The following DSCAM variants were observed in gnomAD, a reference collection of about 807,000 sequenced individuals.
The protein encoded by DSCAM is DS cell adhesion molecule.
Under a neutral mutation model 217.7 loss-of-function variants are expected in DSCAM, and 47 were observed. That is an observed-to-expected ratio of 0.22 (90% CI 0.17 to 0.28). DSCAM has a LOEUF of 0.28. Among genes scored for constraint, DSCAM ranks in the 10% least tolerant of loss-of-function variants. The pLI is 1.00. For missense variants in DSCAM, 2,080 were observed against 2,618.3 expected, an observed-to-expected ratio of 0.79 and a Z score of 4.49; for synonymous variants, 1,056 against 1,015.3, an observed-to-expected ratio of 1.04 and a Z score of -0.76.
chr21:40,336,744 T>G (rs2074433391), intron 8 of DSCAM, among the ~76,000 whole-genome samples: 1 of 152,220 alleles, frequency 6.6e-6, no homozygotes. Context: ...TTTATTCACT[T>G]GTTTTATTTG....
intron 11 of DSCAM, among the ~76,000 whole-genome samples, chr21:40,231,767 T>A (rs927401305): frequency 6.6e-6 from 1 of 152,158 alleles, no homozygotes; most frequent in Non-Finnish European, 1.5e-5. Context: ...CCTCCCAAAG[T>A]GCTGGGATTA....
At chr21:40,464,560 C>A (rs1020480486) in intron 3 of DSCAM, among the ~76,000 whole-genome samples, 1 of 152,172 alleles carries the variant, frequency 6.6e-6, no homozygotes, top group East Asian at 1.9e-4. Flanking sequence ...GGAGTCATTG[C>A]GACTCTTCAG....
At chr21:40,218,583 A>G (rs2091263891) in intron 11 of DSCAM, among the ~76,000 whole-genome samples, 1 of 151,938 alleles carries the variant, frequency 6.6e-6, no homozygotes, top group Non-Finnish European at 1.5e-5. Flanking sequence ...TGATTTTGGC[A>G]GTACCATTTT....
At chr21:40,181,021 T>G (rs1270871350) in intron 14 of DSCAM, among the ~76,000 whole-genome samples, 2 of 152,088 alleles carry the variant, frequency 1.3e-5, no homozygotes, top group African/African-American at 4.8e-5. Flanking sequence ...ACCCTGTCTG[T>G]AGCAACTACC....
rs2090303211 is a variant in DSCAM, at chr21:40,142,452, G to C, written c.3406+106C>G. 6.4e-6 allele frequency: 8 copies of C among 1,252,376 alleles called. No homozygotes were observed. The East Asian group carries it at 1.9e-4, about 29-fold the overall frequency. 77.6% of individuals were successfully genotyped at this position (1,252,376 alleles called of 1,614,324 possible). Reference sequence around the variant, plus strand: ...AGGGGAAAGTGTCTATTGATAAAGAGGTGCCCGCCATATCCTGAGCCCCTT... The same window carrying C: ...AGGGGAAAGTGTCTATTGATAAAGACGTGCCCGCCATATCCTGAGCCCCTT... On this transcript the variant is annotated intron_variant, in intron 18 of 32. Transcript: ENST00000400454.
chr21:40,012,370 G>C lies in DSCAM; in HGVS notation c.*664C>G, dbSNP rs2088071877. 1 of 152,170 alleles carries C rather than the reference G, an allele frequency of 6.6e-6. No homozygotes were observed. The highest frequency in any genetic ancestry group is 2.4e-5 in the African/African-American group (1 of 41,428). The allele number at this position is 152,170 out of a possible 1,614,324, so 9.4% of individuals were successfully genotyped here. On this transcript the variant is annotated 3_prime_UTR_variant, in exon 33 of 33. Transcript: ENST00000400454. Reference sequence around the variant, plus strand: ...CAAACAGAAGTGTCAATGGGAAGGAGGACCAGGCCACTGGCAGAAGACGAG... The same window carrying C: ...CAAACAGAAGTGTCAATGGGAAGGACGACCAGGCCACTGGCAGAAGACGAG...
chr21:40,364,143 A>G (rs1255529759), intron 4 of DSCAM, among the ~76,000 whole-genome samples: 1 of 152,218 alleles, frequency 6.6e-6, no homozygotes, highest in East Asian at 1.9e-4. Context: ...ATCGAGAACT[A>G]GAAATACCAT....
At chr21:40,740,126 G>A (rs927249203) in intron 1 of DSCAM, among the ~76,000 whole-genome samples, 7 of 152,128 alleles carry the variant, frequency 4.6e-5, no homozygotes, top group East Asian at 3.9e-4. Context: ...GCCTAAGACA[G>A]TGCTCTGTAA....
intron 11 of DSCAM, among the ~76,000 whole-genome samples, chr21:40,204,227 G>A (rs1251234982): frequency 6.6e-6 from 1 of 152,210 alleles, no homozygotes; most frequent in African/African-American, 2.4e-5. Context: ...ACCCATGAAT[G>A]TGCCTGTGTG....
intron 3 of DSCAM, among the ~76,000 whole-genome samples, chr21:40,511,990 CAAAA>C (rs780829574): frequency 3.7e-5 from 1 of 26,790 alleles, no homozygotes; most frequent in Non-Finnish European, 6.8e-5. Flanking sequence ...GACTCTGTCT[CAAAA>C]AAAAAAAAAA....
In DSCAM at chr21:40,407,775, G is replaced by A. The variant is rs1362873083; in HGVS notation, c.509-38530C>T. On this transcript the variant is annotated intron_variant, in intron 3 of 32. Coordinates refer to ENST00000400454, the MANE Select transcript of DSCAM (RefSeq NM_001389.5). ...GTCCAGGTGACAGCATGTGAAGCAG[G>A]GACAAGCTGCCCTCCAGAACCCTGC... Among the ~76,000 whole-genome samples the A allele has an allele frequency of 2.0e-5, 3 of 152,240 alleles. No homozygotes were observed. In the East Asian group the frequency reaches 5.8e-4, roughly 29 times the overall value.
intron 28 of DSCAM, among the ~76,000 whole-genome samples, chr21:40,056,362 C>A (rs541519270): frequency 4.6e-4 from 70 of 152,096 alleles, no homozygotes; most frequent in Non-Finnish European, 8.7e-4. Flanking sequence ...GTTAGCTTCC[C>A]TGACGTTAGT....
chr21:40,330,405 C>CATAT (rs34922926), intron 8 of DSCAM, among the ~76,000 whole-genome samples: 1,501 of 143,298 alleles, frequency 0.01, 23 homozygotes, highest in South Asian at 0.03. Context: ...ATATATTATA[C>CATAT]ATATATATAT....
intron 11 of DSCAM, among the ~76,000 whole-genome samples, chr21:40,236,819 T>C (rs1178424842): frequency 2.0e-5 from 3 of 152,180 alleles, no homozygotes; most frequent in Non-Finnish European, 2.9e-5. Context: ...GAAACAAAGA[T>C]GTTTCATCTT....
At chr21:40,428,289 T>TGA (rs935649598) in intron 3 of DSCAM, among the ~76,000 whole-genome samples, 8 of 141,976 alleles carry the variant, frequency 5.6e-5, no homozygotes, top group East Asian at 2.1e-4. Context: ...TGTGTGTGTG[T>TGA]GATGGAGTTT....
At chr21:40,533,496 TCCATCCAACCAG>T (rs2076466010) in intron 3 of DSCAM, among the ~76,000 whole-genome samples, 1 of 151,252 alleles carries the variant, frequency 6.6e-6, no homozygotes, top group South Asian at 2.1e-4. Flanking sequence ...CATCCATCCA[TCCATCCAACCAG>T]CCATCCATCC....
chr21:40,188,972 T>G, intron 12 of DSCAM, 70 bp downstream of exon 12: 1 of 1,505,080 alleles, frequency 6.6e-7, no homozygotes. Context: ...CTGCACCCGC[T>G]TCTGTGAAAG....
chr21:40,022,282 A>G (rs917397446), intron 32 of DSCAM, among the ~76,000 whole-genome samples: 3 of 152,112 alleles, frequency 2.0e-5, no homozygotes, highest in Non-Finnish European at 1.5e-5. Flanking sequence ...ATTGATACCT[A>G]TTGGTCAGAG....
chr21:40,150,269 T>C (rs1438929248), intron 16 of DSCAM, among the ~76,000 whole-genome samples: 6 of 152,236 alleles, frequency 3.9e-5, no homozygotes, highest in Admixed American at 3.9e-4. Context: ...TTTGCAAAGT[T>C]TGTTAGTTTT....
Sources: gnomAD v4.1 joint callset for allele counts (sites outside exome capture counted in the v4.1 genomes callset) on GRCh38, gnomAD v4.1.1 for gene constraint, MANE v1.5 for transcripts, NCBI Gene and HGNC (gene_info 2026-07-23, HGNC 2026-07-21) for gene names.